The following RHOU variants were observed in gnomAD, a reference collection of about 807,000 sequenced individuals.
The protein encoded by RHOU is ras homolog family member U.
Under a neutral mutation model 12.6 loss-of-function variants are expected in RHOU, and 8 were observed. That is an observed-to-expected ratio of 0.64 (90% CI 0.37 to 1.15). The LOEUF is 1.15. Among genes scored for constraint, RHOU ranks in the 50% most tolerant of loss-of-function variants. The pLI is 0.01. For missense variants in RHOU, 258 were observed against 347.0 expected (o/e 0.74, Z 2.04); for synonymous variants, 161 against 147.4 (o/e 1.09, Z -0.67).
the RHOU span, among the ~76,000 whole-genome samples, chr1:228,718,774 C>G: frequency 6.6e-6 from 1 of 152,128 alleles, no homozygotes; most frequent in Non-Finnish European, 1.5e-5. Flanking sequence ...CCAGGAGGAC[C>G]AGGTTGGTTG....
the RHOU span, among the ~76,000 whole-genome samples, chr1:228,719,037 T>C: frequency 6.6e-6 from 1 of 152,210 alleles, no homozygotes; most frequent in African/African-American, 2.4e-5. Flanking sequence ...TTTAATGGCA[T>C]CTATTCTACA....
At chr1:228,694,724 G>A in the RHOU span, among the ~76,000 whole-genome samples, 1 of 152,026 alleles carries the variant, frequency 6.6e-6, no homozygotes, top group African/African-American at 2.4e-5. Context: ...ATCTATCATT[G>A]ATGGGCAGTT....
At chr1:228,647,320 C>T in the RHOU span, among the ~76,000 whole-genome samples, 3 of 152,214 alleles carry the variant, frequency 2.0e-5, no homozygotes, top group East Asian at 3.9e-4. Flanking sequence ...GTGCAGTGGG[C>T]CCCGAGATTT....
rs1662805949 is a variant in RHOU at position 228,745,321 on chromosome 1, A to G, written c.*1581A>G. On this transcript the variant is annotated 3_prime_UTR_variant, in exon 3 of 3. Coordinates refer to ENST00000366691, the MANE Select transcript of RHOU (RefSeq NM_021205.6). ...GTCGGGCTTGCGGTGGGTGACCCAG[A>G]GCCACCAAAGTCACATCCACAACTA... 6.6e-6 allele frequency: 1 copy of G among 152,244 alleles called. No homozygotes were observed. The highest frequency in any genetic ancestry group is 6.5e-5 in the Admixed American group (1 of 15,288). The allele number at this position is 152,244 out of a possible 1,614,324, so 9.4% of individuals were successfully genotyped here.
chr1:228,678,775 G>A, the RHOU span, among the ~76,000 whole-genome samples: 31 of 152,208 alleles, frequency 2.0e-4, no homozygotes, highest in Non-Finnish European at 8.8e-5. Flanking sequence ...TGCATCAGGT[G>A]TGAGGAAGAA....
the RHOU span, among the ~76,000 whole-genome samples, chr1:228,646,696 C>G: frequency 4.5e-4 from 68 of 150,366 alleles, no homozygotes; most frequent in South Asian, 5.3e-3. Flanking sequence ...TGAGAGAAAC[C>G]CAGACACACC....
the RHOU span, among the ~76,000 whole-genome samples, chr1:228,646,506 C>G: frequency 8.4e-5 from 8 of 94,894 alleles, no homozygotes; most frequent in Admixed American, 9.1e-4. Context: ...TGGCCGAAGG[C>G]GAACAGCCGG....
At chr1:228,698,236 T>A in the RHOU span, among the ~76,000 whole-genome samples, 2 of 152,218 alleles carry the variant, frequency 1.3e-5, no homozygotes, top group Admixed American at 1.3e-4. Context: ...CTATTATGAC[T>A]ATTAGGAAGA....
chr1:228,675,366 G>C, the RHOU span, among the ~76,000 whole-genome samples: 1 of 150,846 alleles, frequency 6.6e-6, no homozygotes, highest in African/African-American at 2.4e-5. Flanking sequence ...CTACATTTTT[G>C]TAGCTACTTT....
At chr1:228,653,283 A>G in the RHOU span, among the ~76,000 whole-genome samples, 5 of 151,872 alleles carry the variant, frequency 3.3e-5, no homozygotes, top group African/African-American at 1.2e-4. Flanking sequence ...AGCCTTATGA[A>G]TAGCTGGGAG....
chr1:228,695,263 C>T, the RHOU span, among the ~76,000 whole-genome samples: 1 of 152,188 alleles, frequency 6.6e-6, no homozygotes, highest in Non-Finnish European at 1.5e-5. Flanking sequence ...AGTCACTGTG[C>T]CCAGCTAAGA....
the RHOU span, among the ~76,000 whole-genome samples, chr1:228,666,407 G>A: frequency 2.0e-5 from 3 of 152,070 alleles, no homozygotes; most frequent in Non-Finnish European, 4.4e-5. Context: ...TCATTTCAAA[G>A]GTTTATCATT....
the RHOU span, among the ~76,000 whole-genome samples, chr1:228,671,439 G>A: frequency 5.5e-4 from 84 of 151,940 alleles, no homozygotes; most frequent in East Asian, 0.013. Context: ...ACAATCGGCC[G>A]GGGGTGGTGG....
Position 228,743,804 on chromosome 1 carries a change from G to A in RHOU, c.*64G>A, listed in dbSNP as rs578047286. 3.2e-5 allele frequency: 45 copies of A among 1,395,938 alleles called. 1 individual carries two copies. The African/African-American group carries it at 6.4e-4, about 20-fold the overall frequency. 86.5% of individuals were successfully genotyped at this position (1,395,938 alleles called of 1,614,324 possible). The stretch of plus-strand genomic sequence containing the variant: ...ATCGATATTAGAAGCTATATTAGCT[G>A]AAACAACTCCTTTTACTGCGTAGAA... On this transcript the variant is annotated 3_prime_UTR_variant, in exon 3 of 3. Coordinates refer to ENST00000366691, the MANE Select transcript of RHOU (RefSeq NM_021205.6). The surrounding 1 kb of genome is among the most constrained non-coding windows in gnomAD (Gnocchi z 5.1).
At chr1:228,673,461 C>T in the RHOU span, among the ~76,000 whole-genome samples, 28 of 152,128 alleles carry the variant, frequency 1.8e-4, no homozygotes, top group Admixed American at 4.6e-4. Flanking sequence ...GAATTGGTGT[C>T]CCTGCTCAAA....
chr1:228,732,383 C>T (rs1662514049), upstream of RHOU, among the ~76,000 whole-genome samples: 1 of 152,174 alleles, frequency 6.6e-6, no homozygotes, highest in Non-Finnish European at 1.5e-5. Flanking sequence ...TTAGATAAGG[C>T]TGTAGGGGAC....
chr1:228,690,022 G>A, the RHOU span, among the ~76,000 whole-genome samples: 11 of 152,040 alleles, frequency 7.2e-5, no homozygotes, highest in Admixed American at 2.0e-4. Context: ...ATTGGAGCAC[G>A]CAGAATCAAT....
the RHOU span, among the ~76,000 whole-genome samples, chr1:228,709,065 C>T: frequency 6.6e-6 from 1 of 151,798 alleles, no homozygotes; most frequent in Non-Finnish European, 1.5e-5. Context: ...ACAAAGAAGG[C>T]CATTACTTAA....
chr1:228,690,066 A>G, the RHOU span, among the ~76,000 whole-genome samples: 237 of 152,164 alleles, frequency 1.6e-3, 2 homozygotes, highest in Middle Eastern at 0.01. Flanking sequence ...CTTTCCCCCA[A>G]ACAATACACT....
Sources: allele counts gnomAD v4.1 joint callset (sites outside exome capture counted in the v4.1 genomes callset), GRCh38; gene constraint gnomAD v4.1.1; non-coding constraint Gnocchi (gnomAD v3.1); transcripts MANE v1.5; gene names NCBI Gene and HGNC (gene_info 2026-07-23, HGNC 2026-07-21).